ARAP3: variants seen among roughly 807,000 people sequenced by gnomAD.
The protein encoded by ARAP3 is ArfGAP with RhoGAP domain, ankyrin repeat and PH domain 3.
ARAP3 carries 82 observed loss-of-function variants against 169.2 expected under a neutral mutation model. That is an observed-to-expected ratio of 0.48 (90% CI 0.41 to 0.58). ARAP3 has a LOEUF of 0.58. ARAP3 is among the 20% of genes least tolerant of loss of function. The pLI is 0.00. For missense variants in ARAP3, 1,764 were observed against 2,018.0 expected (o/e 0.87, Z 2.41); for synonymous variants, 791 against 800.3 (o/e 0.99, Z 0.20).
intron 16 of ARAP3, 118 bp downstream of exon 16, chr5:141,669,591 C>T (rs1160228042): frequency 1.1e-6 from 1 of 945,230 alleles, no homozygotes; most frequent in East Asian, 2.5e-5. Context: ...AGAATATGTG[C>T]TCAGTCACCC....
At position 141,671,992 on chromosome 5, in the gene ARAP3, T is replaced by C; in HGVS notation, c.1586-12A>G. On this transcript the variant is annotated splice_polypyrimidine_tract_variant and intron_variant, in intron 10 of 32. Coordinates refer to ENST00000239440, the MANE Select transcript of ARAP3 (RefSeq NM_022481.6). The surrounding 1 kb of genome is among the most constrained non-coding windows in gnomAD (Gnocchi z 4.9). ...GGCCCGGTGCTGACCTGTGAGGGTG[T>C]GAGGGTGTGTGAGGGTGTGTGAGGG... 1.9e-6 allele frequency: 3 copies of C among 1,585,604 alleles called. No homozygotes were observed. Among genetic ancestry groups the C allele is most frequent in the Non-Finnish European group, 2.6e-6 (3 of 1,157,194 alleles).
intron 4 of ARAP3, among the ~76,000 whole-genome samples, chr5:141,674,968 ATAAC>A (rs1283806221): frequency 1.3e-5 from 2 of 152,216 alleles, no homozygotes; most frequent in African/African-American, 2.4e-5. Flanking sequence ...AAGCCCTTCA[ATAAC>A]GTCCCATTCG....
Position 141,672,885 on chromosome 5 carries a change from C to A in ARAP3, c.1134G>T (p.Leu378=). Residue 378 remains leucine (L), a synonymous_variant, in exon 8 of 33, where the codon CTG becomes CTT. Transcript: ENST00000239440. This position sits in a 1 kb window ranked among gnomAD's most constrained non-coding sequence, Gnocchi z 4.9. Reference sequence around the variant, plus strand: ...GGTGGCCCAGGAGGCGCTGCTCCTTCAGACAGGACTGCAGCGTGGAGCACC... The same window carrying A: ...GGTGGCCCAGGAGGCGCTGCTCCTTAAGACAGGACTGCAGCGTGGAGCACC... The part of the protein sequence containing the change: ...DMWCSTLQSC[L]KEQRLLGHPR... The A allele has an allele frequency of 6.2e-7, 1 of 1,608,034 alleles. No homozygotes were observed. Among genetic ancestry groups the A allele is most frequent in the East Asian group, 2.2e-5 (1 of 44,578 alleles).
At chr5:141,662,601 C>T in intron 19 of ARAP3, among the ~76,000 whole-genome samples, 1 of 152,174 alleles carries the variant, frequency 6.6e-6, no homozygotes, top group Non-Finnish European at 1.5e-5. Context: ...TTATTTGTAA[C>T]CCCAAAATCA....
At position 141,671,226 on chromosome 5, in the gene ARAP3, A is replaced by G. The variant is rs1483671311; in HGVS notation, c.1990+39T>C. 5 of 1,554,850 alleles carry G rather than the reference A, an allele frequency of 3.2e-6. No individual in the cohort carries two copies. The African/African-American group carries it at 6.9e-5, about 21-fold the overall frequency. ...ACTGAATCATAGGTTGGGTCTGAGA[A>G]TTCCTGTAGGGGAGAGAGGAGGCAC... On this transcript the variant is annotated intron_variant, in intron 13 of 32. Transcript: ENST00000239440. The surrounding 1 kb of genome is among the most constrained non-coding windows in gnomAD (Gnocchi z 4.9).
At chr5:141,668,390 G>C (rs912559932) in intron 16 of ARAP3, among the ~76,000 whole-genome samples, 7 of 152,122 alleles carry the variant, frequency 4.6e-5, no homozygotes, top group Non-Finnish European at 1.0e-4. Context: ...CACCACCCCT[G>C]GCCCAAGCCC....
chr5:141,679,842 G>A lies in ARAP3; in HGVS notation c.525-20C>T, dbSNP rs1238276683. On this transcript the variant is annotated intron_variant, in intron 2 of 32. Coordinates refer to ENST00000239440, the MANE Select transcript of ARAP3 (RefSeq NM_022481.6). The stretch of plus-strand genomic sequence containing the variant: ...GGGGCCCTGAAGGGAAAGGTCTATT[G>A]GTTACTTAAGGAGAGAGGAGGAAGA... The A allele has an allele frequency of 6.2e-7, 1 of 1,611,234 alleles. No individual in the cohort carries two copies. The highest frequency in any genetic ancestry group is 1.3e-5 in the African/African-American group (1 of 74,628).
intron 17 of ARAP3, among the ~76,000 whole-genome samples, chr5:141,665,718 C>T (rs2099910537): frequency 1.3e-5 from 2 of 152,032 alleles, no homozygotes; most frequent in African/African-American, 4.8e-5. Context: ...ACCCAACCAG[C>T]AAGTGATTCC....
rs745903742 is a variant in ARAP3 at position 141,667,435 on chromosome 5, C to CTT, written c.2353-794_2353-793dup. Among the ~76,000 whole-genome samples, 920 of 139,492 alleles carry CTT rather than the reference C, an allele frequency of 6.6e-3. 11 individuals carry two copies. Among genetic ancestry groups the CTT allele is most frequent in the African/African-American group, 0.021 (808 of 38,096 alleles). The allele number at this position is 139,492 out of a possible 152,430, so 91.5% of individuals were successfully genotyped here. A position where few individuals can be genotyped will look rare whatever the true frequency, so the allele number is the denominator to read the frequency against. On this transcript the variant is annotated intron_variant, in intron 16 of 32. Coordinates refer to ENST00000239440, the MANE Select transcript of ARAP3 (RefSeq NM_022481.6). ...CACTAACCAATAGTGTACTTTCTTT[C>CTT]TTTTTTTTTTTTTTTGAAATGGAGT...
intron 1 of ARAP3, among the ~76,000 whole-genome samples, chr5:141,681,881 C>G (rs951879671): frequency 6.6e-6 from 1 of 150,952 alleles, no homozygotes; most frequent in Non-Finnish European, 1.5e-5. Context: ...ACTCAGGGCC[C>G]GGTTTCCCGG....
chr5:141,656,821 CT>C lies in ARAP3; in HGVS notation c.3551del (p.Lys1184ArgfsTer3). On this transcript the variant is annotated frameshift_variant, in exon 26 of 33. Transcript: ENST00000239440. LOFTEE classifies it high-confidence loss of function. The stretch of plus-strand genomic sequence containing the variant: ...ACCATTGTAAAGCCTGCTCTAAGAC[CT>C]TTTCCTTGGGATGCAGTGGCCGCTC... ...ELERPLHPKE[K>X]VLEQALQWCQ... 1 of 1,613,300 alleles carries C rather than the reference CT, an allele frequency of 6.2e-7. No individual in the cohort carries two copies. The highest frequency in any genetic ancestry group is 8.5e-7 in the Non-Finnish European group (1 of 1,179,678).
chr5:141,680,434 A>C lies in ARAP3; in HGVS notation c.53T>G (p.Leu18Arg). Residue 18 changes from leucine (L) to arginine (R), a missense_variant, in exon 2 of 33, where the codon CTG becomes CGG. Coordinates refer to ENST00000239440, the MANE Select transcript of ARAP3 (RefSeq NM_022481.6). ...DIAVWLATVH[L>R]EQYADTFRRH... Reference sequence around the variant, plus strand: ...TCGGAACGTGTCTGCATACTGCTCCAGGTGCACCGTGGCCAGCCACACAGC... The same window carrying C: ...TCGGAACGTGTCTGCATACTGCTCCCGGTGCACCGTGGCCAGCCACACAGC... 1.2e-6 allele frequency: 2 copies of C among 1,611,310 alleles called. No individual in the cohort carries two copies. Among genetic ancestry groups the C allele is most frequent in the Non-Finnish European group, 1.7e-6 (2 of 1,179,532 alleles).
In ARAP3 at chr5:141,654,549, G is replaced by A. The variant is rs1406138982; in HGVS notation, c.4150-114C>T. On this transcript the variant is annotated intron_variant, in intron 32 of 32. Transcript: ENST00000239440. ...CCAGATGCTGTAAAATACTTGGCAT[G>A]TATGATTCTGGAACAACCCTGTGCA... 7 of 1,432,144 alleles carry A rather than the reference G, an allele frequency of 4.9e-6. No homozygotes were observed. In the Admixed American group the frequency reaches 1.2e-4, roughly 24 times the overall value. The allele number at this position is 1,432,144 out of a possible 1,614,324, so 88.7% of individuals were successfully genotyped here.
chr5:141,680,512 AG>A lies in ARAP3; in HGVS notation c.-17-10del, dbSNP rs746426952. 8.1e-5 allele frequency: 127 copies of A among 1,562,386 alleles called. No individual in the cohort carries two copies. Among genetic ancestry groups the A allele is most frequent in the South Asian group, 6.5e-4 (56 of 85,900 alleles). On this transcript the variant is annotated splice_polypyrimidine_tract_variant and intron_variant, in intron 1 of 32. Transcript: ENST00000239440. The stretch of plus-strand genomic sequence containing the variant: ...GGGGGCTCAGGCCATTGCTGGGGGG[AG>A]GGGCAGGGTGAAGGGAGGGCTCAGG...
rs749202531 is a variant in ARAP3 at position 141,656,740 on chromosome 5, G to A, written c.3633C>T (p.Ala1211=). ...CACCTGTGAAGAGGCAGCCAGCTTG[G>A]GCCAGGGGGACTTTTTTCAAGAGCA... ...ASLLLKKVPL[A]QAGCLFTGIR... Residue 1211 remains alanine, a synonymous_variant, in exon 26 of 33, where the codon GCC becomes GCT. Coordinates refer to ENST00000239440, the MANE Select transcript of ARAP3 (RefSeq NM_022481.6). 11 of 1,611,686 alleles carry A rather than the reference G, an allele frequency of 6.8e-6. No homozygotes were observed. The Admixed American group carries it at 1.9e-4, about 27-fold the overall frequency.
chr5:141,668,620 T>C (rs1009624895), intron 16 of ARAP3, among the ~76,000 whole-genome samples: 1 of 152,128 alleles, frequency 6.6e-6, no homozygotes, highest in African/African-American at 2.4e-5. Flanking sequence ...GAGAGGAGAC[T>C]TAAACCTGGT....
intron 23 of ARAP3, 113 bp from the exon 24 acceptor site, chr5:141,658,766 C>T: frequency 1.1e-6 from 1 of 918,048 alleles, no homozygotes; most frequent in Non-Finnish European, 1.6e-6. Flanking sequence ...AGGTCTCCTC[C>T]CAACCCCAAT....
In ARAP3 at chr5:141,673,625, T is replaced by A; in HGVS notation, c.882A>T (p.Leu294=). The change falls in exon 5 of 33, where the codon CTA becomes CTT. Residue 294 remains leucine, a synonymous_variant. Coordinates refer to ENST00000239440, the MANE Select transcript of ARAP3 (RefSeq NM_022481.6). ...DRLTPLLSGW[L]DKLSPQGNYV... is the part of the protein sequence containing the mutation. The stretch of plus-strand genomic sequence containing the variant: ...CCCACCCCTGAGGGGAGAGCTTGTC[T>A]AGCCAGCCACTGAGCAGGGGCGTGA... The A allele has an allele frequency of 6.2e-7, 1 of 1,614,056 alleles. No individual in the cohort carries two copies. The highest frequency in any genetic ancestry group is 1.1e-5 in the South Asian group (1 of 91,070).
At chr5:141,677,510 C>T (rs2099912336) in intron 4 of ARAP3, among the ~76,000 whole-genome samples, 1 of 152,066 alleles carries the variant, frequency 6.6e-6, no homozygotes, top group Non-Finnish European at 1.5e-5. Context: ...TGACAGTTTG[C>T]CTTCAAAATA....
Sources: allele counts gnomAD v4.1 joint callset (sites outside exome capture counted in the v4.1 genomes callset), GRCh38; gene constraint gnomAD v4.1.1; non-coding constraint Gnocchi (gnomAD v3.1); transcripts MANE v1.5; gene names NCBI Gene and HGNC (gene_info 2026-07-23, HGNC 2026-07-21).